Variants in FOXN3 observed in about 807,000 individuals in gnomAD.
FOXN3 encodes the protein forkhead box N3.
A neutral mutation model predicts 38.4 loss-of-function variants in FOXN3; 7 were observed. The ratio of observed to expected loss-of-function variants is 0.18; its 90% CI spans 0.10 to 0.34. The LOEUF (loss-of-function observed/expected upper bound fraction) is 0.34, where lower values mean the gene tolerates loss of function less well. FOXN3 is among the 10% of genes least tolerant of loss of function. FOXN3 has a pLI of 1.00. For synonymous variants in FOXN3, 230 were observed against 242.2 expected, an observed-to-expected ratio of 0.95 and a Z score of 0.47; for missense variants, 456 against 613.4, an observed-to-expected ratio of 0.74 and a Z score of 2.71.
intron 4 of FOXN3, among the ~76,000 whole-genome samples, chr14:89,213,952 G>A (rs1884182338): frequency 6.6e-6 from 1 of 152,142 alleles, no homozygotes; most frequent in African/African-American, 2.4e-5. Context: ...TGACAGATGG[G>A]TCTTTACTCA....
At chr14:89,221,169 T>C (rs1485046413) in intron 4 of FOXN3, among the ~76,000 whole-genome samples, 1 of 152,166 alleles carries the variant, frequency 6.6e-6, no homozygotes, top group Non-Finnish European at 1.5e-5. Flanking sequence ...GTAGCGTGGA[T>C]TTTATTATTT....
chr14:89,231,878 C>T (rs987096879), intron 4 of FOXN3, among the ~76,000 whole-genome samples: 2 of 152,108 alleles, frequency 1.3e-5, no homozygotes, highest in African/African-American at 2.4e-5. Flanking sequence ...CTGCTCAAAG[C>T]GATTGGCTGG....
At chr14:89,352,842 T>A (rs1889034590) in intron 2 of FOXN3, among the ~76,000 whole-genome samples, 1 of 152,104 alleles carries the variant, frequency 6.6e-6, no homozygotes, top group Non-Finnish European at 1.5e-5. Context: ...CTAACCTAAG[T>A]GTTTGTTTAC....
chr14:89,218,736 A>T (rs1428481738), intron 4 of FOXN3, among the ~76,000 whole-genome samples: 1 of 152,102 alleles, frequency 6.6e-6, no homozygotes, highest in Non-Finnish European at 1.5e-5. Flanking sequence ...CTGGCTGTGG[A>T]CATGTGGGGC....
intron 4 of FOXN3, among the ~76,000 whole-genome samples, chr14:89,220,281 T>C (rs1884423625): frequency 6.6e-6 from 1 of 152,182 alleles, no homozygotes; most frequent in East Asian, 1.9e-4. Flanking sequence ...CCGGCTCCAG[T>C]ACTTACCAGC....
chr14:89,439,900 C>T (rs1003728638), intron 1 of FOXN3, among the ~76,000 whole-genome samples: 5 of 152,048 alleles, frequency 3.3e-5, no homozygotes, highest in Admixed American at 6.5e-5. Flanking sequence ...GTGATCCACC[C>T]GCCTCGGCCT....
At chr14:89,416,351 G>C (rs955090695) in intron 1 of FOXN3, among the ~76,000 whole-genome samples, 1 of 152,214 alleles carries the variant, frequency 6.6e-6, no homozygotes, top group African/African-American at 2.4e-5. Context: ...ACCGCGGCGA[G>C]CCTCGAAAAC....
intron 1 of FOXN3, among the ~76,000 whole-genome samples, chr14:89,577,638 A>G (rs1436474576): frequency 6.6e-6 from 1 of 152,074 alleles, no homozygotes; most frequent in East Asian, 1.9e-4. Context: ...CACCAGCTTC[A>G]AACACCTCAC....
At chr14:89,583,451 G>A (rs2069138246) in intron 1 of FOXN3, among the ~76,000 whole-genome samples, 2 of 152,208 alleles carry the variant, frequency 1.3e-5, no homozygotes, top group African/African-American at 4.8e-5. Flanking sequence ...TTCTGCCATG[G>A]AAGGATGCTG....
At position 89,266,098 on chromosome 14, in the gene FOXN3, T is replaced by C. The variant is rs375719886; in HGVS notation, c.745+14852A>G. On this transcript the variant is annotated intron_variant, in intron 4 of 5. Coordinates refer to ENST00000557258, the MANE Select transcript of FOXN3 (RefSeq NM_005197.4). ...GTCCCAGCTTTGGGATACAAGGTGC[T>C]AGGACAGTTGGTAAATATATTAAGT... is the stretch of plus-strand genomic sequence containing the variant. 3.2e-4 allele frequency among the ~76,000 whole-genome samples: 48 copies of C among 152,232 alleles called. 1 individual carries two copies. The highest frequency in any genetic ancestry group is 5.3e-4 in the Non-Finnish European group (36 of 68,042).
At chr14:89,358,455 G>C (rs544977099) in intron 2 of FOXN3, among the ~76,000 whole-genome samples, 2 of 152,142 alleles carry the variant, frequency 1.3e-5, no homozygotes, top group African/African-American at 4.8e-5. Flanking sequence ...ATACAGACAC[G>C]GACTAGAGTA....
At chr14:89,203,388 G>C (rs1888284046) in intron 4 of FOXN3, among the ~76,000 whole-genome samples, 1 of 152,206 alleles carries the variant, frequency 6.6e-6, no homozygotes, top group Non-Finnish European at 1.5e-5. Flanking sequence ...TCTTCAGAGA[G>C]AGGCTCTGGA....
intron 1 of FOXN3, among the ~76,000 whole-genome samples, chr14:89,458,854 A>G (rs1892780710): frequency 1.3e-5 from 2 of 152,330 alleles, no homozygotes; most frequent in East Asian, 1.9e-4. Context: ...AAGCCCTTAA[A>G]TAAAGATTCA....
At chr14:89,199,481 T>C (rs1317397595) in intron 4 of FOXN3, among the ~76,000 whole-genome samples, 1 of 152,168 alleles carries the variant, frequency 6.6e-6, no homozygotes, top group Non-Finnish European at 1.5e-5. Flanking sequence ...TCTGAAGACA[T>C]GAGGCAAGCT....
intron 4 of FOXN3, among the ~76,000 whole-genome samples, chr14:89,243,466 G>C (rs986794784): frequency 7.2e-5 from 11 of 152,144 alleles, no homozygotes; most frequent in Non-Finnish European, 1.5e-4. Flanking sequence ...AGGAGGGCTG[G>C]GTGGATAGCA....
intron 1 of FOXN3, among the ~76,000 whole-genome samples, chr14:89,588,499 C>T (rs146927583): frequency 4.2e-4 from 64 of 152,224 alleles, no homozygotes; most frequent in African/African-American, 1.5e-3. Context: ...CCCGATAGCA[C>T]CAAGATAAAG....
intron 1 of FOXN3, among the ~76,000 whole-genome samples, chr14:89,487,095 A>C (rs1893461468): frequency 6.6e-6 from 1 of 151,728 alleles, no homozygotes; most frequent in African/African-American, 2.4e-5. Context: ...GGGTAGACCA[A>C]GTGTACACGC....
At chr14:89,299,156 G>C (rs1887141202) in intron 3 of FOXN3, among the ~76,000 whole-genome samples, 1 of 152,238 alleles carries the variant, frequency 6.6e-6, no homozygotes, top group Admixed American at 6.5e-5. Context: ...TGGTTTGGCT[G>C]TGTCCCTACC....
At chr14:89,530,363 G>A (rs952225122) in intron 1 of FOXN3, among the ~76,000 whole-genome samples, 6 of 152,286 alleles carry the variant, frequency 3.9e-5, no homozygotes, top group African/African-American at 1.2e-4. Flanking sequence ...ATGGCAGCAG[G>A]CAAGAGAGCA....
Sources: gnomAD v4.1 joint callset for allele counts (sites outside exome capture counted in the v4.1 genomes callset) on GRCh38, gnomAD v4.1.1 for gene constraint, MANE v1.5 for transcripts, NCBI Gene and HGNC (gene_info 2026-07-23, HGNC 2026-07-21) for gene names.